The following BRSK2 variants were observed in gnomAD, a reference collection of about 807,000 sequenced individuals.
BRSK2 encodes serine/threonine-protein kinase BRSK2.
In BRSK2, 19 loss-of-function variants were observed where a neutral mutation model predicts 83.3. That is an observed-to-expected ratio of 0.23 (90% CI 0.16 to 0.33). The LOEUF (loss-of-function observed/expected upper bound fraction) is 0.33, where lower values mean the gene tolerates loss of function less well. Among genes scored for constraint, BRSK2 ranks in the 10% least tolerant of loss-of-function variants. BRSK2 has a pLI of 1.00. For missense variants in BRSK2, 798 were observed against 1,042.3 expected (o/e 0.77, Z 3.23); for synonymous variants, 519 against 435.4 (o/e 1.19, Z -2.39).
In BRSK2 at chr11:1,443,696, G is replaced by GT. The variant is rs762092484; in HGVS notation, c.780+62dup. The GT allele has an allele frequency of 1.6e-4, 230 of 1,466,462 alleles. 1 individual carries two copies. Among genetic ancestry groups the GT allele is most frequent in the Non-Finnish European group, 2.0e-4 (222 of 1,111,082 alleles). The allele number at this position is 1,466,462 out of a possible 1,614,324, so 90.8% of individuals were successfully genotyped here. On this transcript the variant is annotated intron_variant, in intron 8 of 19. Transcript: ENST00000528841. ...GGCGGGGGGGCGCGGGGGCGGGCGTGTGCCTGTGTGTGCACAGGTGTGTGC... is the reference window on the plus strand; with the variant it reads ...GGCGGGGGGGCGCGGGGGCGGGCGTGTTGCCTGTGTGTGCACAGGTGTGTGC...
In BRSK2 at chr11:1,460,737, C is replaced by CCG. The variant is rs745462102; in HGVS notation, c.*15_*16insGC. Reference sequence around the variant, plus strand: ...GAGCAGCCTTAGACACACTAGCCCCCCCCCCCAGCACAGCACTGACAGCGG... The same window carrying CCG: ...GAGCAGCCTTAGACACACTAGCCCCCCGCCCCCCAGCACAGCACTGACAGCGG... On this transcript the variant is annotated 3_prime_UTR_variant, in exon 20 of 20. Coordinates refer to ENST00000528841, the MANE Select transcript of BRSK2 (RefSeq NM_001256627.2). 14 of 1,412,096 alleles carry CCG rather than the reference C, an allele frequency of 9.9e-6. No homozygotes were observed. The highest frequency in any genetic ancestry group is 1.0e-5 in the Non-Finnish European group (11 of 1,075,420). The allele number at this position is 1,412,096 out of a possible 1,614,324, so 87.5% of individuals were successfully genotyped here. A position where few individuals can be genotyped will look rare whatever the true frequency, so the allele number is the denominator to read the frequency against.
At chr11:1,417,802 A>T (rs374320276) in intron 1 of BRSK2, among the ~76,000 whole-genome samples, 74 of 111,036 alleles carry the variant, frequency 6.7e-4, no homozygotes, top group South Asian at 1.6e-3. Context: ...TCTTCTCTTG[A>T]GAGTGGGTCA....
chr11:1,425,581 C>T (rs911725158), intron 1 of BRSK2, among the ~76,000 whole-genome samples: 1 of 152,132 alleles, frequency 6.6e-6, no homozygotes, highest in Non-Finnish European at 1.5e-5. Flanking sequence ...ACGTTTCCTC[C>T]GTGCAGCCTG....
chr11:1,396,586 G>T (rs75488410), intron 1 of BRSK2, among the ~76,000 whole-genome samples: 10 of 152,358 alleles, frequency 6.6e-5, no homozygotes, highest in Non-Finnish European at 2.9e-5. Context: ...GGCCACTGGC[G>T]CTCAGGAGGA....
intron 1 of BRSK2, among the ~76,000 whole-genome samples, chr11:1,407,704 G>A (rs767107549): frequency 6.6e-6 from 1 of 152,186 alleles, no homozygotes; most frequent in African/African-American, 2.4e-5. Context: ...ATGTTTCATC[G>A]GGCTAATCTT....
chr11:1,440,738 G>C (rs755721217), intron 3 of BRSK2, 50 bp from the exon 4 acceptor site: 24 of 1,531,654 alleles, frequency 1.6e-5, no homozygotes, highest in Non-Finnish European at 8.8e-7. Context: ...GGATGAGGAG[G>C]GGCGGCGGGC....
Position 1,406,376 on chromosome 11 carries a change from G to A in BRSK2, c.91+16001G>A, listed in dbSNP as rs181749983. 9.0e-3 allele frequency among the ~76,000 whole-genome samples: 1,367 copies of A among 152,330 alleles called. 21 individuals are homozygous for A. The highest frequency in any genetic ancestry group is 0.031 in the African/African-American group (1,272 of 41,560). On this transcript the variant is annotated intron_variant, in intron 1 of 19. Transcript: ENST00000528841. ...AGTTCCAGCTACTGGGGAGGCTGAG[G>A]CGGGAGAATGGCATGAACCCGGGAG...
chr11:1,413,238 G>A (rs542051660), intron 1 of BRSK2, among the ~76,000 whole-genome samples: 115 of 152,222 alleles, frequency 7.6e-4, no homozygotes, highest in African/African-American at 2.7e-3. Flanking sequence ...GGCCCCTCGG[G>A]ACACCCCCTC....
rs374534057 is a variant in BRSK2 at position 1,440,745 on chromosome 11, G to A, written c.273-43G>A. The A allele has an allele frequency of 1.4e-5, 21 of 1,535,556 alleles. 1 individual carries two copies. Among genetic ancestry groups the A allele is most frequent in the Middle Eastern group, 2.0e-4 (1 of 5,082 alleles). On this transcript the variant is annotated intron_variant, in intron 3 of 19. Transcript: ENST00000528841. The stretch of plus-strand genomic sequence containing the variant: ...AGGCCCTGGGATGAGGAGGGGCGGC[G>A]GGCAGCCACAGCTGGGCGCACTGGT...
intron 1 of BRSK2, among the ~76,000 whole-genome samples, chr11:1,404,035 C>T (rs1350929897): frequency 2.6e-5 from 4 of 152,188 alleles, no homozygotes; most frequent in East Asian, 1.9e-4. Flanking sequence ...TCCTGGGCTT[C>T]GCTCTTTGAC....
intron 18 of BRSK2, chr11:1,457,076 G>A (rs1293444386): frequency 1.3e-6 from 2 of 1,535,826 alleles, no homozygotes; most frequent in Non-Finnish European, 1.7e-6. Context: ...GTGCTGGGGC[G>A]GGGAGGGGCT....
At position 1,443,032 on chromosome 11, in the gene BRSK2, G is replaced by T; in HGVS notation, c.531-74G>T. ...CTGGAGGCCTCCTTGAGGGCCCTGC[G>T]GTGCACCATCACCCTGGGGGGAGGG... On this transcript the variant is annotated intron_variant, in intron 5 of 19. Coordinates refer to ENST00000528841, the MANE Select transcript of BRSK2 (RefSeq NM_001256627.2). The T allele has an allele frequency of 2.0e-6, 3 of 1,482,894 alleles. No homozygotes were observed. The South Asian group carries it at 3.8e-5, about 19-fold the overall frequency. The allele number at this position is 1,482,894 out of a possible 1,614,324, so 91.9% of individuals were successfully genotyped here. A position where few individuals can be genotyped will look rare whatever the true frequency, so the allele number is the denominator to read the frequency against.
At chr11:1,448,405 C>T (rs1008904794) in intron 12 of BRSK2, among the ~76,000 whole-genome samples, 1 of 152,196 alleles carries the variant, frequency 6.6e-6, no homozygotes, top group African/African-American at 2.4e-5. Flanking sequence ...TACCTGGGAC[C>T]CTCACCTGTG....
At chr11:1,449,860 C>A in intron 13 of BRSK2, 24 bp downstream of exon 13, 1 of 1,580,312 alleles carries the variant, frequency 6.3e-7, no homozygotes, top group Non-Finnish European at 8.7e-7. Flanking sequence ...CGCCCCCACC[C>A]AGCTCGGATG....
At chr11:1,444,148 C>T (rs1223511161) in intron 8 of BRSK2, among the ~76,000 whole-genome samples, 2 of 152,082 alleles carry the variant, frequency 1.3e-5, no homozygotes, top group Non-Finnish European at 2.9e-5. Flanking sequence ...CACAAAAGCA[C>T]TGGTGCTTCC....
At chr11:1,409,775 C>T (rs1032577680) in intron 1 of BRSK2, 1 of 152,068 alleles carries the variant, frequency 6.6e-6, no homozygotes, top group East Asian at 1.9e-4. Flanking sequence ...CTTCAGGAAC[C>T]ACCGAGATGG....
At chr11:1,405,720 CT>C (rs1846824486) in intron 1 of BRSK2, among the ~76,000 whole-genome samples, 1 of 152,102 alleles carries the variant, frequency 6.6e-6, no homozygotes, top group African/African-American at 2.4e-5. Context: ...TCAGGGCAGC[CT>C]AAAGATTGTG....
rs1161960567 is a variant in BRSK2, at chr11:1,459,211, AATG to A, written c.1964_1966del (p.Met655del). On this transcript the variant is annotated inframe_deletion, in exon 19 of 20. Coordinates refer to ENST00000528841, the MANE Select transcript of BRSK2 (RefSeq NM_001256627.2). Reference sequence around the variant, plus strand: ...CTCCAGACACCACTAACTGTATGGAAATGATGACGGGGCGGCTTTCCAAATGTG... The same window carrying A: ...CTCCAGACACCACTAACTGTATGGAAATGACGGGGCGGCTTTCCAAATGTG... 1.2e-6 allele frequency: 2 copies of A among 1,613,738 alleles called. No individual in the cohort carries two copies. Among genetic ancestry groups the A allele is most frequent in the South Asian group, 1.1e-5 (1 of 91,086 alleles).
intron 14 of BRSK2, 54 bp downstream of exon 14, chr11:1,450,848 C>T (rs751654156): frequency 9.3e-6 from 14 of 1,499,546 alleles, no homozygotes; most frequent in Non-Finnish European, 1.2e-5. Flanking sequence ...CAGAGGCTGC[C>T]TTGGGGAGGG....
Sources: allele counts gnomAD v4.1 joint callset (sites outside exome capture counted in the v4.1 genomes callset), GRCh38; gene constraint gnomAD v4.1.1; transcripts MANE v1.5; gene names NCBI Gene and HGNC (gene_info 2026-07-23, HGNC 2026-07-21).